ALDH16A1: variants seen among roughly 807,000 people sequenced by gnomAD.
The protein encoded by ALDH16A1 is aldehyde dehydrogenase 16 family member A1.
ALDH16A1 carries 88 observed loss-of-function variants against 96.1 expected under a neutral mutation model. The observed-to-expected ratio is 0.92, with a 90% CI of 0.77 to 1.09. ALDH16A1 has a LOEUF of 1.09. Among genes scored for constraint, ALDH16A1 ranks in the 50% least tolerant of loss-of-function variants. The probability of loss-of-function intolerance (pLI) is 0.00; values close to 1 mark genes in which losing one functional copy is unlikely to be tolerated. For synonymous variants in ALDH16A1, 522 were observed against 496.4 expected (o/e 1.05, Z -0.69); for missense variants, 1,250 against 1,112.6 (o/e 1.12, Z -1.76).
intron 1 of ALDH16A1, 29 bp downstream of exon 1, chr19:49,453,450 G>C (rs374434658): frequency 1.3e-6 from 2 of 1,507,474 alleles, no homozygotes; most frequent in African/African-American, 1.4e-5. Flanking sequence ...GGCGCTGCTC[G>C]CTGCGTTCCC....
intron 7 of ALDH16A1, 52 bp downstream of exon 7, chr19:49,462,088 G>T: frequency 1.4e-6 from 2 of 1,480,698 alleles, no homozygotes; most frequent in Non-Finnish European, 8.9e-7. Flanking sequence ...GTTGGTGTCT[G>T]TCTCCAGTCT....
chr19:49,469,064 G>A lies in ALDH16A1; in HGVS notation c.2247+78G>A, dbSNP rs902921767. 1.5e-5 allele frequency: 23 copies of A among 1,531,748 alleles called. No homozygotes were observed. In the South Asian group the frequency reaches 2.1e-4, roughly 14 times the overall value. The allele number at this position is 1,531,748 out of a possible 1,614,324, so 94.9% of individuals were successfully genotyped here. ...CCTCCTTTTCTGGAAACACAGCCCC[G>A]CCCTCTTAGAACTCCTGTTGGTAAG... is the stretch of plus-strand genomic sequence containing the variant. On this transcript the variant is annotated intron_variant, in intron 16 of 16. Coordinates refer to ENST00000293350, the MANE Select transcript of ALDH16A1 (RefSeq NM_153329.4).
chr19:49,454,059 C>G (rs567951999), intron 1 of ALDH16A1, among the ~76,000 whole-genome samples: 54 of 131,056 alleles, frequency 4.1e-4, no homozygotes, highest in Middle Eastern at 0.011. Context: ...GGGTCTCACT[C>G]TGTCGCCCAA....
intron 1 of ALDH16A1, 34 bp downstream of exon 1, chr19:49,453,455 G>A (rs758803133): frequency 2.0e-6 from 3 of 1,504,610 alleles, no homozygotes; most frequent in Non-Finnish European, 2.7e-6. Flanking sequence ...TGCTCGCTGC[G>A]TTCCCCAGGC....
Position 49,470,916 on chromosome 19 carries a change from G to C in ALDH16A1, c.*449G>C, listed in dbSNP as rs949802535. ...GGGGACCCCCGAGGACCCCAGACAGGGCCTTAGGACTCTCATATCTTCTTG... is the reference window on the plus strand; with the variant it reads ...GGGGACCCCCGAGGACCCCAGACAGCGCCTTAGGACTCTCATATCTTCTTG... On this transcript the variant is annotated 3_prime_UTR_variant, in exon 17 of 17. Coordinates refer to ENST00000293350, the MANE Select transcript of ALDH16A1 (RefSeq NM_153329.4). 1 of 154,336 alleles carries C rather than the reference G, an allele frequency of 6.5e-6. No homozygotes were observed. The highest frequency in any genetic ancestry group is 1.4e-5 in the Non-Finnish European group (1 of 69,596). The allele number at this position is 154,336 out of a possible 1,614,324, so 9.6% of individuals were successfully genotyped here.
Position 49,466,214 on chromosome 19 carries a change from G to A in ALDH16A1, c.1869G>A (p.Glu623=), listed in dbSNP as rs754936516. 1 of 1,527,930 alleles carries A rather than the reference G, an allele frequency of 6.5e-7. No homozygotes were observed. Among genetic ancestry groups the A allele is most frequent in the Non-Finnish European group, 8.8e-7 (1 of 1,138,794 alleles). The allele number at this position is 1,527,930 out of a possible 1,614,324, so 94.6% of individuals were successfully genotyped here. Residue 623 remains glutamate (E), a synonymous_variant, in exon 14 of 17, where the codon GAG becomes GAA. Coordinates refer to ENST00000293350, the MANE Select transcript of ALDH16A1 (RefSeq NM_153329.4). ...QGAELKAAEA[E]VELSARRLRA... is the part of the protein sequence containing the mutation. Reference sequence around the variant, plus strand: ...CGGAGCTCAAGGCTGCGGAGGCGGAGGTGGAGCTGAGCGCAAGACGACTTC... The same window carrying A: ...CGGAGCTCAAGGCTGCGGAGGCGGAAGTGGAGCTGAGCGCAAGACGACTTC...
chr19:49,461,877 T>C lies in ALDH16A1; in HGVS notation c.760-7T>C. 6.3e-7 allele frequency: 1 copy of C among 1,583,158 alleles called. No individual in the cohort carries two copies. Among genetic ancestry groups the C allele is most frequent in the Admixed American group, 1.8e-5 (1 of 55,426 alleles). On this transcript the variant is annotated splice_region_variant and splice_polypyrimidine_tract_variant and intron_variant, in intron 6 of 16. Transcript: ENST00000293350. ...CCTCCTGCGGCTGAACTGGGGGGGG[T>C]CCCTAGGAAGGGCGTGCCCTTCGAC...
In ALDH16A1 at chr19:49,464,288, C is replaced by T. The variant is rs774306767; in HGVS notation, c.1331+25C>T. On this transcript the variant is annotated intron_variant, in intron 10 of 16. Transcript: ENST00000293350. Reference sequence around the variant, plus strand: ...GGTCAGTCTGCGTGGCCCGGGCGCTCACTCCTCTCCTCATTCTTCCATCTT... The same window carrying T: ...GGTCAGTCTGCGTGGCCCGGGCGCTTACTCCTCTCCTCATTCTTCCATCTT... The T allele has an allele frequency of 3.8e-6, 6 of 1,595,820 alleles. No individual in the cohort carries two copies. In the African/African-American group the frequency reaches 5.4e-5, roughly 14 times the overall value.
rs2079120545 is a variant in ALDH16A1 at position 49,458,852 on chromosome 19, G to A, written c.194-108G>A. The A allele has an allele frequency of 1.1e-5, 16 of 1,449,624 alleles. No homozygotes were observed. The South Asian group carries it at 2.0e-4, about 18-fold the overall frequency. The allele number at this position is 1,449,624 out of a possible 1,614,324, so 89.8% of individuals were successfully genotyped here. On this transcript the variant is annotated intron_variant, in intron 2 of 16. Transcript: ENST00000293350. ...ATAGCCGTGACCCAGCAGAGAATGGGGACCAGCTTTACACTCTTGGGCTGA... is the reference window on the plus strand; with the variant it reads ...ATAGCCGTGACCCAGCAGAGAATGGAGACCAGCTTTACACTCTTGGGCTGA...
intron 10 of ALDH16A1, 28 bp downstream of exon 10, chr19:49,464,291 T>C: frequency 6.3e-7 from 1 of 1,596,244 alleles, no homozygotes; most frequent in Non-Finnish European, 8.5e-7. Flanking sequence ...GGGCGCTCAC[T>C]CCTCTCCTCA....
intron 5 of ALDH16A1, among the ~76,000 whole-genome samples, chr19:49,461,354 G>A (rs2079142367): frequency 6.8e-6 from 1 of 147,662 alleles, no homozygotes; most frequent in African/African-American, 2.6e-5. Flanking sequence ...TGAGGGAGGA[G>A]GGGCTGGAGT....
At chr19:49,453,766 T>C (rs1256567894) in intron 1 of ALDH16A1, among the ~76,000 whole-genome samples, 1 of 152,114 alleles carries the variant, frequency 6.6e-6, no homozygotes, top group Non-Finnish European at 1.5e-5. Context: ...TTAGGATTCC[T>C]GTGAGGCTCC....
chr19:49,466,220 G>A lies in ALDH16A1; in HGVS notation c.1875G>A (p.Glu625=). 2 of 1,521,636 alleles carry A rather than the reference G, an allele frequency of 1.3e-6. No individual in the cohort carries two copies. Among genetic ancestry groups the A allele is most frequent in the African/African-American group, 1.4e-5 (1 of 72,752 alleles). 94.3% of individuals were successfully genotyped at this position (1,521,636 alleles called of 1,614,324 possible). A position where few individuals can be genotyped will look rare whatever the true frequency, so the allele number is the denominator to read the frequency against. The change falls in exon 14 of 17, where the codon GAG becomes GAA. Residue 625 remains glutamate (E), a synonymous_variant. Coordinates refer to ENST00000293350, the MANE Select transcript of ALDH16A1 (RefSeq NM_153329.4). ...AELKAAEAEV[E]LSARRLRAWG... is the part of the protein sequence containing the mutation. Reference sequence around the variant, plus strand: ...TCAAGGCTGCGGAGGCGGAGGTGGAGCTGAGCGCAAGACGACTTCGGGCGT... The same window carrying A: ...TCAAGGCTGCGGAGGCGGAGGTGGAACTGAGCGCAAGACGACTTCGGGCGT...
Position 49,461,628 on chromosome 19 carries a change from TGGTGGCCCTCGTGCCCCCGGCCTCCCC to T in ALDH16A1, c.590_616del (p.Val197_Pro205del), listed in dbSNP as rs2079147374. The stretch of plus-strand genomic sequence containing the variant: ...TGCCCCACTTCCCCAGGCTGCACCG[TGGTGGCCCTCGTGCCCCCGGCCTCCCC>T]GGCGCCCCTCCTCCTGGCCCAGCTG... On this transcript the variant is annotated inframe_deletion, in exon 6 of 17. Transcript: ENST00000293350. The T allele has an allele frequency of 6.3e-7, 1 of 1,591,330 alleles. No individual in the cohort carries two copies. The highest frequency in any genetic ancestry group is 8.5e-7 in the Non-Finnish European group (1 of 1,170,012).
chr19:49,466,775 G>C (rs1025917656), intron 14 of ALDH16A1, among the ~76,000 whole-genome samples: 3 of 152,018 alleles, frequency 2.0e-5, no homozygotes, highest in Admixed American at 6.6e-5. Context: ...CAGGAAAATT[G>C]CTTGAACCCA....
chr19:49,458,307 A>G (rs1487993547), intron 1 of ALDH16A1, among the ~76,000 whole-genome samples, 179 bp from the exon 2 acceptor site: 1 of 152,218 alleles, frequency 6.6e-6, no homozygotes, highest in Non-Finnish European at 1.5e-5. Flanking sequence ...AAACTGCTGA[A>G]CTATACACTT....
In ALDH16A1 at chr19:49,461,864, G is replaced by C. The variant is rs1191180658; in HGVS notation, c.760-20G>C. Reference sequence around the variant, plus strand: ...GGGCCGCAAGGCTCCTCCTGCGGCTGAACTGGGGGGGGTCCCTAGGAAGGG... The same window carrying C: ...GGGCCGCAAGGCTCCTCCTGCGGCTCAACTGGGGGGGGTCCCTAGGAAGGG... On this transcript the variant is annotated intron_variant, in intron 6 of 16. Coordinates refer to ENST00000293350, the MANE Select transcript of ALDH16A1 (RefSeq NM_153329.4). 6.3e-7 allele frequency: 1 copy of C among 1,593,422 alleles called. No homozygotes were observed. The highest frequency in any genetic ancestry group is 1.3e-5 in the African/African-American group (1 of 74,218).
chr19:49,464,796 G>A, intron 12 of ALDH16A1, 34 bp downstream of exon 12: 3 of 1,612,258 alleles, frequency 1.9e-6, no homozygotes, highest in Non-Finnish European at 2.5e-6. Context: ...CTGGGAGTGT[G>A]AACGGGGAGA....
chr19:49,465,704 C>T (rs1568655464), intron 12 of ALDH16A1, 34 bp from the exon 13 acceptor site: 2 of 1,593,264 alleles, frequency 1.3e-6, no homozygotes, highest in Non-Finnish European at 1.7e-6. Context: ...GATTGAGGCC[C>T]CAGGACTCCT....
Sources: allele counts gnomAD v4.1 joint callset (sites outside exome capture counted in the v4.1 genomes callset), GRCh38; gene constraint gnomAD v4.1.1; transcripts MANE v1.5; gene names NCBI Gene and HGNC (gene_info 2026-07-23, HGNC 2026-07-21).